Variants in TSSK1B observed in about 807,000 individuals in gnomAD.
TSSK1B encodes testis-specific serine/threonine-protein kinase 1.
A neutral mutation model predicts 4.0 loss-of-function variants in TSSK1B; 2 were observed. That is an observed-to-expected ratio of 0.50 (90% CI 0.20 to 1.57). TSSK1B has a LOEUF of 1.57. Among genes scored for constraint, TSSK1B ranks in the 40% most tolerant of loss-of-function variants. The pLI, the probability that TSSK1B is intolerant of heterozygous loss-of-function variation, is 0.22. For missense variants in TSSK1B, 488 were observed against 495.1 expected, an observed-to-expected ratio of 0.99 and a Z score of 0.14; for synonymous variants, 198 against 200.7, an observed-to-expected ratio of 0.99 and a Z score of 0.11.
Position 113,432,735 on chromosome 5 carries a change from G to A in TSSK1B, c.*1001C>T, listed in dbSNP as rs959540118. The A allele has an allele frequency of 3.9e-5, 6 of 152,080 alleles. No homozygotes were observed. Among genetic ancestry groups the A allele is most frequent in the African/African-American group, 1.2e-4 (5 of 41,392 alleles). The allele number at this position is 152,080 out of a possible 1,614,324, so 9.4% of individuals were successfully genotyped here. On this transcript the variant is annotated 3_prime_UTR_variant, in exon 1 of 1. Coordinates refer to ENST00000390666, the MANE Select transcript of TSSK1B (RefSeq NM_032028.4). Reference sequence around the variant, plus strand: ...TCGTTTGTCCATTAATTGGATATTAGCATTTAAATAAAAAGTTGATAAGGA... The same window carrying A: ...TCGTTTGTCCATTAATTGGATATTAACATTTAAATAAAAAGTTGATAAGGA...
In TSSK1B at chr5:113,434,358, C is replaced by T; in HGVS notation, c.482G>A (p.Cys161Tyr). ...KLSDFSFSKR[C>Y]LRDDSGRMAL... ...CATTCGACCACTGTCATCCCGCAGG[C>T]AGCGCTTGGAGAAGCTGAAGTCGGA... Residue 161 changes from cysteine (C) to tyrosine (Y), a missense_variant, in exon 1 of 1, where the codon TGC becomes TAC. Coordinates refer to ENST00000390666, the MANE Select transcript of TSSK1B (RefSeq NM_032028.4). The surrounding 1 kb of genome is among the most constrained non-coding windows in gnomAD (Gnocchi z 4.2). 1 of 1,613,766 alleles carries T rather than the reference C, an allele frequency of 6.2e-7. No homozygotes were observed. Among genetic ancestry groups the T allele is most frequent in the East Asian group, 2.2e-5 (1 of 44,848 alleles).
Position 113,434,460 on chromosome 5 carries a change from C to T in TSSK1B, c.380G>A (p.Cys127Tyr), listed in dbSNP as rs1041706432. The T allele has an allele frequency of 2.5e-6, 4 of 1,613,498 alleles. No homozygotes were observed. The highest frequency in any genetic ancestry group is 3.3e-5 in the Admixed American group (2 of 59,968). Reference sequence around the variant, plus strand: ...CCGGTGGACGACGTCCAGGTCGTGGCAGTACTTGATGGCCAAGGAAAGCTG... The same window carrying T: ...CCGGTGGACGACGTCCAGGTCGTGGTAGTACTTGATGGCCAAGGAAAGCTG... ...FHQLSLAIKY[C>Y]HDLDVVHRDL... is the part of the protein sequence containing the mutation. Residue 127 changes from cysteine to tyrosine, a missense_variant, in exon 1 of 1, where the codon TGC becomes TAC. By Grantham distance (194) the Cys-to-Tyr change is radical (BLOSUM62 -2). Transcript: ENST00000390666. This position sits in a 1 kb window ranked among gnomAD's most constrained non-coding sequence, Gnocchi z 4.2.
At position 113,434,131 on chromosome 5, in the gene TSSK1B, G is replaced by A. The variant is rs55738530; in HGVS notation, c.709C>T (p.Arg237Cys). The change falls in exon 1 of 1, where the codon CGC (arginine) becomes TGC (cysteine). Residue 237 changes from arginine (R) to cysteine (C), a missense_variant. Transcript: ENST00000390666. This position sits in a 1 kb window ranked among gnomAD's most constrained non-coding sequence, Gnocchi z 4.2. ...IQKEHRVNFP[R>C]SKHLTGECKD... is the part of the protein sequence containing the mutation. ...CACTCGCCTGTCAGGTGCTTGGAGCGTGGGAAGTTGACGCGGTGCTCCTTC... is the reference window on the plus strand; with the variant it reads ...CACTCGCCTGTCAGGTGCTTGGAGCATGGGAAGTTGACGCGGTGCTCCTTC... The A allele has an allele frequency of 2.1e-4, 336 of 1,614,198 alleles. No individual in the cohort carries two copies. Among genetic ancestry groups the A allele is most frequent in the Admixed American group, 6.8e-4 (41 of 60,032 alleles).
In TSSK1B at chr5:113,432,726, T is replaced by C. The variant is rs905851719; in HGVS notation, c.*1010A>G. 2.6e-5 allele frequency: 4 copies of C among 152,178 alleles called. No individual in the cohort carries two copies. The highest frequency in any genetic ancestry group is 5.9e-5 in the Non-Finnish European group (4 of 68,016). 9.4% of individuals were successfully genotyped at this position (152,178 alleles called of 1,614,324 possible). A position where few individuals can be genotyped will look rare whatever the true frequency, so the allele number is the denominator to read the frequency against. On this transcript the variant is annotated 3_prime_UTR_variant, in exon 1 of 1. Transcript: ENST00000390666. ...TTAGCTGATTCGTTTGTCCATTAATTGGATATTAGCATTTAAATAAAAAGT... is the reference window on the plus strand; with the variant it reads ...TTAGCTGATTCGTTTGTCCATTAATCGGATATTAGCATTTAAATAAAAAGT...
rs71577448 is a variant in TSSK1B, at chr5:113,433,177, C to A, written c.*559G>T. The A allele has an allele frequency of 1.7e-5, 3 of 174,760 alleles. No individual in the cohort carries two copies. Among genetic ancestry groups the A allele is most frequent in the East Asian group, 1.8e-4 (1 of 5,574 alleles). 10.8% of individuals were successfully genotyped at this position (174,760 alleles called of 1,614,324 possible). A position where few individuals can be genotyped will look rare whatever the true frequency, so the allele number is the denominator to read the frequency against. ...ATCTTGCCCAGAGCTGGAGTCGGAG[C>A]CCCCGAGGCTGCCGCCGAGAGTGCC... is the stretch of plus-strand genomic sequence containing the variant. On this transcript the variant is annotated 3_prime_UTR_variant, in exon 1 of 1. Transcript: ENST00000390666.
At position 113,434,115 on chromosome 5, in the gene TSSK1B, G is replaced by A. The variant is rs773395049; in HGVS notation, c.725C>T (p.Thr242Ile). The change falls in exon 1 of 1, where the codon ACA becomes ATA. Residue 242 changes from threonine (T) to isoleucine (I), a missense_variant. Thr to Ile is a moderately conservative substitution (Grantham distance 89). Transcript: ENST00000390666. This position sits in a 1 kb window ranked among gnomAD's most constrained non-coding sequence, Gnocchi z 4.2. The stretch of plus-strand genomic sequence containing the variant: ...GTAGATGAGGTCCTTGCACTCGCCT[G>A]TCAGGTGCTTGGAGCGTGGGAAGTT... ...RVNFPRSKHL[T>I]GECKDLIYHM... is the part of the protein sequence containing the mutation. 2 of 1,614,228 alleles carry A rather than the reference G, an allele frequency of 1.2e-6. No individual in the cohort carries two copies. Among genetic ancestry groups the A allele is most frequent in the Non-Finnish European group, 1.7e-6 (2 of 1,180,026 alleles).
Position 113,433,592 on chromosome 5 carries a change from A to G in TSSK1B, c.*144T>C. 9.2e-7 allele frequency: 1 copy of G among 1,090,066 alleles called. No homozygotes were observed. Among genetic ancestry groups the G allele is most frequent in the Non-Finnish European group, 1.3e-6 (1 of 775,294 alleles). The allele number at this position is 1,090,066 out of a possible 1,614,324, so 67.5% of individuals were successfully genotyped here. A position where few individuals can be genotyped will look rare whatever the true frequency, so the allele number is the denominator to read the frequency against. The stretch of plus-strand genomic sequence containing the variant: ...GGGCCACGGGAGAACCATGTGGGTT[A>G]CCAAGTTCAAGGGGAGAGAGAAGAA... On this transcript the variant is annotated 3_prime_UTR_variant, in exon 1 of 1. Coordinates refer to ENST00000390666, the MANE Select transcript of TSSK1B (RefSeq NM_032028.4).
chr5:113,434,786 T>C lies in TSSK1B; in HGVS notation c.54A>G (p.Leu18=). 1 of 1,613,594 alleles carries C rather than the reference T, an allele frequency of 6.2e-7. No individual in the cohort carries two copies. The highest frequency in any genetic ancestry group is 8.5e-7 in the Non-Finnish European group (1 of 1,179,562). Residue 18 remains leucine (L), a synonymous_variant, in exon 1 of 1, where the codon TTA becomes TTG. Coordinates refer to ENST00000390666, the MANE Select transcript of TSSK1B (RefSeq NM_032028.4). This position sits in a 1 kb window ranked among gnomAD's most constrained non-coding sequence, Gnocchi z 4.2. ...TTACTTTTGCATAGGAGCCCTCTCC[T>C]AAATTTATCCCCAGGAGGTAGCCTC... ...KRRGYLLGIN[L]GEGSYAKVKS... is the part of the protein sequence containing the mutation.
Position 113,433,698 on chromosome 5 carries a change from G to C in TSSK1B, c.*38C>G. Reference sequence around the variant, plus strand: ...GACTTCTTCAGAGCTTGGGCTTTAAGCCGTGAGCTCCATCTCATTCCCTGG... The same window carrying C: ...GACTTCTTCAGAGCTTGGGCTTTAACCCGTGAGCTCCATCTCATTCCCTGG... On this transcript the variant is annotated 3_prime_UTR_variant, in exon 1 of 1. Transcript: ENST00000390666. 6.3e-7 allele frequency: 1 copy of C among 1,581,150 alleles called. No homozygotes were observed. The highest frequency in any genetic ancestry group is 1.2e-5 in the South Asian group (1 of 84,210).
rs755041373 is a variant in TSSK1B, at chr5:113,434,562, G to A, written c.278C>T (p.Ala93Val). 35 of 1,613,358 alleles carry A rather than the reference G, an allele frequency of 2.2e-5. No individual in the cohort carries two copies. Among genetic ancestry groups the A allele is most frequent in the Non-Finnish European group, 2.6e-5 (31 of 1,179,592 alleles). The change falls in exon 1 of 1, where the codon GCG becomes GTG. Residue 93 changes from alanine to valine, a missense_variant. By Grantham distance (64) the Ala-to-Val change is moderately conservative. Transcript: ENST00000390666. This position sits in a 1 kb window ranked among gnomAD's most constrained non-coding sequence, Gnocchi z 4.2. ...TAACTCGAGGAGGTCGCCCTGGACC[G>A]CGAGCTCCATGACGATGTAGACCTT... ...HGKVYIVMELAVQGDLLELIK... is the reference protein window; with the variant it reads ...HGKVYIVMELVVQGDLLELIK...
rs1770788584 is a variant in TSSK1B, at chr5:113,434,596, A to G, written c.244T>C (p.Ser82Pro). The change falls in exon 1 of 1, where the codon TCA (serine) becomes CCA (proline). Residue 82 changes from serine to proline, a missense_variant. Ser to Pro is a moderately conservative substitution (Grantham distance 74). Coordinates refer to ENST00000390666, the MANE Select transcript of TSSK1B (RefSeq NM_032028.4). The surrounding 1 kb of genome is among the most constrained non-coding windows in gnomAD (Gnocchi z 4.2). The part of the protein sequence containing the change: ...IIKTYEIFET[S>P]HGKVYIVMEL... The stretch of plus-strand genomic sequence containing the variant: ...ATGACGATGTAGACCTTGCCATGTG[A>G]TGTCTCAAAGATCTCGTAGGTCTTA... 1 of 1,613,782 alleles carries G rather than the reference A, an allele frequency of 6.2e-7. No individual in the cohort carries two copies. The highest frequency in any genetic ancestry group is 8.5e-7 in the Non-Finnish European group (1 of 1,179,858).
At position 113,433,104 on chromosome 5, in the gene TSSK1B, G is replaced by A. The variant is rs1328611859; in HGVS notation, c.*632C>T. Reference sequence around the variant, plus strand: ...GGCACAAGATTTCTAGCACTTTAAAGCTTAATGCTTTAAAAGTATGTTTTG... The same window carrying A: ...GGCACAAGATTTCTAGCACTTTAAAACTTAATGCTTTAAAAGTATGTTTTG... On this transcript the variant is annotated 3_prime_UTR_variant, in exon 1 of 1. Coordinates refer to ENST00000390666, the MANE Select transcript of TSSK1B (RefSeq NM_032028.4). 1 of 155,852 alleles carries A rather than the reference G, an allele frequency of 6.4e-6. No individual in the cohort carries two copies. The highest frequency in any genetic ancestry group is 1.4e-5 in the Non-Finnish European group (1 of 70,696). The allele number at this position is 155,852 out of a possible 1,614,324, so 9.7% of individuals were successfully genotyped here. A position where few individuals can be genotyped will look rare whatever the true frequency, so the allele number is the denominator to read the frequency against.
rs1187882254 is a variant in TSSK1B at position 113,434,468 on chromosome 5, G to C, written c.372C>G (p.Ile124Met). The C allele has an allele frequency of 1.9e-6, 3 of 1,613,726 alleles. No homozygotes were observed. Among genetic ancestry groups the C allele is most frequent in the East Asian group, 2.2e-5 (1 of 44,844 alleles). Residue 124 changes from isoleucine (I) to methionine (M), a missense_variant, in exon 1 of 1, where the codon ATC becomes ATG. Ile to Met is a conservative substitution (Grantham distance 10). Transcript: ENST00000390666. The surrounding 1 kb of genome is among the most constrained non-coding windows in gnomAD (Gnocchi z 4.2). ...CGACGTCCAGGTCGTGGCAGTACTT[G>C]ATGGCCAAGGAAAGCTGGTGGAACT... ...RKKFHQLSLA[I>M]KYCHDLDVVH...
In TSSK1B at chr5:113,434,757, G is replaced by C. The variant is rs1356956990; in HGVS notation, c.83C>G (p.Ser28Cys). The C allele has an allele frequency of 6.2e-7, 1 of 1,614,082 alleles. No individual in the cohort carries two copies. The highest frequency in any genetic ancestry group is 1.7e-5 in the Admixed American group (1 of 60,018). ...LGEGSYAKVKSAYSERLKFNV... is the reference protein window; with the variant it reads ...LGEGSYAKVKCAYSERLKFNV... Reference sequence around the variant, plus strand: ...GAACTTCAGGCGCTCAGAGTAAGCAGATTTTACTTTTGCATAGGAGCCCTC... The same window carrying C: ...GAACTTCAGGCGCTCAGAGTAAGCACATTTTACTTTTGCATAGGAGCCCTC... Residue 28 changes from serine (S) to cysteine (C), a missense_variant, in exon 1 of 1, where the codon TCT becomes TGT. Physicochemically the swap from Ser to Cys is moderately radical, Grantham distance 112 (BLOSUM62 -1). Transcript: ENST00000390666. This position sits in a 1 kb window ranked among gnomAD's most constrained non-coding sequence, Gnocchi z 4.2.
At position 113,433,706 on chromosome 5, in the gene TSSK1B, C is replaced by T. The variant is rs999533223; in HGVS notation, c.*30G>A. 10 of 1,592,292 alleles carry T rather than the reference C, an allele frequency of 6.3e-6. No homozygotes were observed. The Admixed American group carries it at 1.4e-4, about 22-fold the overall frequency. ...CAGAGCTTGGGCTTTAAGCCGTGAGCTCCATCTCATTCCCTGGGCCGCAAG... is the reference window on the plus strand; with the variant it reads ...CAGAGCTTGGGCTTTAAGCCGTGAGTTCCATCTCATTCCCTGGGCCGCAAG... On this transcript the variant is annotated 3_prime_UTR_variant, in exon 1 of 1. Coordinates refer to ENST00000390666, the MANE Select transcript of TSSK1B (RefSeq NM_032028.4).
Position 113,433,725 on chromosome 5 carries a change from CCGCAAGAAG to C in TSSK1B, c.*2_*10del, listed in dbSNP as rs1468110361. ...CGTGAGCTCCATCTCATTCCCTGGG[CCGCAAGAAG>C]CTCACTGGGCCCGCGTCTCTGGAGG... On this transcript the variant is annotated 3_prime_UTR_variant, in exon 1 of 1. Transcript: ENST00000390666. 1.5e-5 allele frequency: 24 copies of C among 1,603,936 alleles called. No homozygotes were observed. Among genetic ancestry groups the C allele is most frequent in the Middle Eastern group, 1.7e-4 (1 of 6,008 alleles).
Position 113,434,062 on chromosome 5 carries a change from G to T in TSSK1B, c.778C>A (p.Arg260=), listed in dbSNP as rs1011960242. ...YHMLQPDVNR[R]LHIDEILSHC... ...CTGAGGATCTCGTCGATGTGGAGCC[G>T]CCGGTTGACGTCGGGCTGCAGCATG... The change falls in exon 1 of 1, where the codon CGG becomes AGG. Residue 260 remains arginine, a synonymous_variant. Transcript: ENST00000390666. This position sits in a 1 kb window ranked among gnomAD's most constrained non-coding sequence, Gnocchi z 4.2. 6 of 1,614,014 alleles carry T rather than the reference G, an allele frequency of 3.7e-6. No homozygotes were observed. In the African/African-American group the frequency reaches 5.3e-5, roughly 14 times the overall value.
chr5:113,434,631 C>T lies in TSSK1B; in HGVS notation c.209G>A (p.Cys70Tyr), dbSNP rs752014753. 7 of 1,613,922 alleles carry T rather than the reference C, an allele frequency of 4.3e-6. No individual in the cohort carries two copies. The East Asian group carries it at 1.3e-4, about 31-fold the overall frequency. Residue 70 changes from cysteine to tyrosine, a missense_variant, in exon 1 of 1, where the codon TGC (cysteine) becomes TAC (tyrosine). Physicochemically the swap from Cys to Tyr is radical, Grantham distance 194 (BLOSUM62 -2). Transcript: ENST00000390666. The surrounding 1 kb of genome is among the most constrained non-coding windows in gnomAD (Gnocchi z 4.2). ...EIEILAMLNH[C>Y]SIIKTYEIFE... Reference sequence around the variant, plus strand: ...GATCTCGTAGGTCTTAATGATGGAGCAGTGGTTTAACATGGCCAGAATCTC... The same window carrying T: ...GATCTCGTAGGTCTTAATGATGGAGTAGTGGTTTAACATGGCCAGAATCTC...
Position 113,434,725 on chromosome 5 carries a change from C to T in TSSK1B, c.115G>A (p.Ala39Thr). Residue 39 changes from alanine (A) to threonine (T), a missense_variant, in exon 1 of 1, where the codon GCG (alanine) becomes ACG (threonine). By Grantham distance (58) the Ala-to-Thr change is moderately conservative. Transcript: ENST00000390666. The surrounding 1 kb of genome is among the most constrained non-coding windows in gnomAD (Gnocchi z 4.2). ...TTCTTGCGGTCGATGATCTTGATCGCCACATTGAACTTCAGGCGCTCAGAG... is the reference window on the plus strand; with the variant it reads ...TTCTTGCGGTCGATGATCTTGATCGTCACATTGAACTTCAGGCGCTCAGAG... The part of the protein sequence containing the change: ...AYSERLKFNV[A>T]IKIIDRKKAP... 1 of 1,614,056 alleles carries T rather than the reference C, an allele frequency of 6.2e-7. No individual in the cohort carries two copies.
Sources: gnomAD v4.1 joint callset for allele counts on GRCh38, gnomAD v4.1.1 for gene constraint, Gnocchi (gnomAD v3.1) non-coding constraint, MANE v1.5 for transcripts, NCBI Gene and HGNC (gene_info 2026-07-23, HGNC 2026-07-21) for gene names.